UQCC1: variants seen among roughly 807,000 people sequenced by gnomAD.
UQCC1 encodes bFGF-repressed Zic-binding protein.
In UQCC1, 38 loss-of-function variants were observed where a neutral mutation model predicts 48.0. The observed-to-expected ratio is 0.79, with a 90% CI of 0.61 to 1.04. UQCC1 has a LOEUF of 1.04. Among genes scored for constraint, UQCC1 ranks in the 50% least tolerant of loss-of-function variants. UQCC1 has a pLI of 0.00. For synonymous variants in UQCC1, 111 were observed against 129.2 expected, an observed-to-expected ratio of 0.86 and a Z score of 0.95; for missense variants, 368 against 381.8, an observed-to-expected ratio of 0.96 and a Z score of 0.30.
chr20:35,384,082 C>T lies in UQCC1; in HGVS notation c.181G>A (p.Gly61Arg), dbSNP rs1270929900. The change falls in exon 3 of 10, where the codon GGA becomes AGA. Residue 61 changes from glycine (G) to arginine (R), a missense_variant. Coordinates refer to ENST00000374385, the MANE Select transcript of UQCC1 (RefSeq NM_018244.5). The part of the protein sequence containing the change: ...RACGGSEQIP[G>R]IDIQLNRKYH... Reference sequence around the variant, plus strand: ...TTCCTATTCAGCTGTATGTCTATTCCAGGAATCTGTTCTGATCCACCACAT... The same window carrying T: ...TTCCTATTCAGCTGTATGTCTATTCTAGGAATCTGTTCTGATCCACCACAT... The T allele has an allele frequency of 2.5e-6, 4 of 1,613,084 alleles. No homozygotes were observed. Among genetic ancestry groups the T allele is most frequent in the Admixed American group, 1.7e-5 (1 of 59,996 alleles).
chr20:35,310,859 A>ATT lies in UQCC1; in HGVS notation c.651+3827_651+3828dup, dbSNP rs71184065. 8.1e-4 allele frequency among the ~76,000 whole-genome samples: 95 copies of ATT among 116,936 alleles called. 2 individuals carry two copies. Among genetic ancestry groups the ATT allele is most frequent in the South Asian group, 1.7e-3 (6 of 3,476 alleles). The allele number at this position is 116,936 out of a possible 152,430, so 76.7% of individuals were successfully genotyped here. On this transcript the variant is annotated intron_variant, in intron 8 of 9. Coordinates refer to ENST00000374385, the MANE Select transcript of UQCC1 (RefSeq NM_018244.5). The stretch of plus-strand genomic sequence containing the variant: ...AGGCGCCCACCACCATGCCGGGCTA[A>ATT]TTTTTTTTTTTTTTTTTTTCAGTAG...
At chr20:35,309,761 G>A (rs1044102062) in intron 8 of UQCC1, among the ~76,000 whole-genome samples, 4 of 152,154 alleles carry the variant, frequency 2.6e-5, no homozygotes, top group Non-Finnish European at 5.9e-5. Context: ...TCTGATTAAG[G>A]GTTTAAAGTG....
chr20:35,345,970 A>C (rs2061427650), intron 7 of UQCC1: 1 of 152,180 alleles, frequency 6.6e-6, no homozygotes, highest in Admixed American at 6.5e-5. Context: ...TACACAACAT[A>C]AACAAAAGAA....
chr20:35,340,332 C>T (rs1302310450), intron 7 of UQCC1, among the ~76,000 whole-genome samples: 1 of 152,156 alleles, frequency 6.6e-6, no homozygotes, highest in African/African-American at 2.4e-5. Context: ...TAAGCCAATC[C>T]CAAAATGGAA....
At chr20:35,370,098 C>A (rs182676284) in intron 5 of UQCC1, among the ~76,000 whole-genome samples, 90 of 152,330 alleles carry the variant, frequency 5.9e-4, no homozygotes, top group African/African-American at 2.0e-3. Flanking sequence ...CTCAAAATAT[C>A]TAAGAAACAG....
chr20:35,351,313 C>G (rs1402283137), intron 6 of UQCC1, among the ~76,000 whole-genome samples: 2 of 150,520 alleles, frequency 1.3e-5, no homozygotes, highest in African/African-American at 4.9e-5. Flanking sequence ...ATCTCTTGAA[C>G]CCGGGAGGCA....
chr20:35,320,337 C>T (rs924565340), intron 7 of UQCC1, among the ~76,000 whole-genome samples: 3 of 152,200 alleles, frequency 2.0e-5, no homozygotes, highest in Non-Finnish European at 4.4e-5. Flanking sequence ...GAGACAGGAA[C>T]TGTTACTGTC....
At chr20:35,389,296 G>A (rs73616654) in intron 2 of UQCC1, among the ~76,000 whole-genome samples, 9,015 of 152,078 alleles carry the variant, frequency 0.059, 402 homozygotes, top group South Asian at 0.22. Context: ...ATTATAAGCC[G>A]GGTGCTTATA....
At chr20:35,380,110 CTTTTTT>C (rs1048764911) in intron 4 of UQCC1, among the ~76,000 whole-genome samples, 1 of 151,788 alleles carries the variant, frequency 6.6e-6, no homozygotes, top group South Asian at 2.1e-4. Context: ...TGTTTCTTTT[CTTTTTT>C]TTGTTTTGAC....
At chr20:35,404,130 C>A (rs973483788) in intron 1 of UQCC1, among the ~76,000 whole-genome samples, 1 of 152,050 alleles carries the variant, frequency 6.6e-6, no homozygotes, top group African/African-American at 2.4e-5. Context: ...GCTTGTAATC[C>A]CAGCACTTTG....
At chr20:35,342,038 C>G (rs540038762) in intron 7 of UQCC1, among the ~76,000 whole-genome samples, 1 of 152,160 alleles carries the variant, frequency 6.6e-6, no homozygotes, top group Non-Finnish European at 1.5e-5. Context: ...ACACAAGAGT[C>G]AAGTTCAGCC....
At chr20:35,386,093 T>C (rs2061939465) in intron 2 of UQCC1, among the ~76,000 whole-genome samples, 1 of 152,072 alleles carries the variant, frequency 6.6e-6, no homozygotes, top group Non-Finnish European at 1.5e-5. Flanking sequence ...ATAATATGTA[T>C]AAAATTATAG....
chr20:35,316,634 A>G (rs1446005157), intron 7 of UQCC1, among the ~76,000 whole-genome samples: 1 of 152,108 alleles, frequency 6.6e-6, no homozygotes, highest in East Asian at 1.9e-4. Context: ...AGTCAACCTG[A>G]GTCCATTTCC....
In UQCC1 at chr20:35,400,558, G is replaced by C. The variant is rs541002017; in HGVS notation, c.25-6362C>G. On this transcript the variant is annotated intron_variant, in intron 1 of 9. Coordinates refer to ENST00000374385, the MANE Select transcript of UQCC1 (RefSeq NM_018244.5). Reference sequence around the variant, plus strand: ...TTGCCCAGGCTGGAGTGCAGTGGTGGGATCTCAGCTCACTGCAAGCTCCGC... The same window carrying C: ...TTGCCCAGGCTGGAGTGCAGTGGTGCGATCTCAGCTCACTGCAAGCTCCGC... Among the ~76,000 whole-genome samples, 1,095 of 151,168 alleles carry C rather than the reference G, an allele frequency of 7.2e-3. 15 individuals carry two copies. The highest frequency in any genetic ancestry group is 0.024 in the African/African-American group (973 of 41,154).
chr20:35,360,059 AG>A (rs1326251687), intron 6 of UQCC1, among the ~76,000 whole-genome samples: 1 of 152,184 alleles, frequency 6.6e-6, no homozygotes, highest in Non-Finnish European at 1.5e-5. Flanking sequence ...CTTGCCTGTC[AG>A]ATCCACTATA....
chr20:35,353,636 G>A (rs551718989), intron 6 of UQCC1, among the ~76,000 whole-genome samples: 4 of 151,828 alleles, frequency 2.6e-5, no homozygotes, highest in Non-Finnish European at 4.4e-5. Flanking sequence ...ACAAAAAAAC[G>A]TAAAAATTAG....
rs183908321 is a variant in UQCC1 at position 35,302,862 on chromosome 20, C to A, written c.*1073G>T. 13 of 152,322 alleles carry A rather than the reference C, an allele frequency of 8.5e-5. No individual in the cohort carries two copies. The highest frequency in any genetic ancestry group is 3.1e-4 in the African/African-American group (13 of 41,558). 9.4% of individuals were successfully genotyped at this position (152,322 alleles called of 1,614,324 possible). A position where few individuals can be genotyped will look rare whatever the true frequency, so the allele number is the denominator to read the frequency against. Reference sequence around the variant, plus strand: ...CCATATAGAGTTTCTTTATATGACTCATTTTATAGCAAGTTAAATGAAGGA... The same window carrying A: ...CCATATAGAGTTTCTTTATATGACTAATTTTATAGCAAGTTAAATGAAGGA... On this transcript the variant is annotated 3_prime_UTR_variant, in exon 10 of 10. Transcript: ENST00000374385.
chr20:35,303,968 G>T lies in UQCC1; in HGVS notation c.867C>A (p.Pro289=), dbSNP rs1436598105. The change falls in exon 10 of 10, where the codon CCC becomes CCA. Residue 289 remains proline (P), a synonymous_variant. Transcript: ENST00000374385. ...VEKNPQSILK[P]HSPTYNDEGL ...CCTCGTCGTTGTAAGTCGGAGAATG[G>T]GGCTTCAGGATGCTCTGAGGATTCT... is the stretch of plus-strand genomic sequence containing the variant. The T allele has an allele frequency of 1.9e-6, 3 of 1,614,184 alleles. No homozygotes were observed. Among genetic ancestry groups the T allele is most frequent in the South Asian group, 1.1e-5 (1 of 91,076 alleles).
rs1368840914 is a variant in UQCC1 at position 35,302,586 on chromosome 20, A to G, written c.*1349T>C. 2.0e-5 allele frequency: 3 copies of G among 152,348 alleles called. No individual in the cohort carries two copies. The East Asian group carries it at 5.8e-4, about 29-fold the overall frequency. 9.4% of individuals were successfully genotyped at this position (152,348 alleles called of 1,614,324 possible). A position where few individuals can be genotyped will look rare whatever the true frequency, so the allele number is the denominator to read the frequency against. ...ATCCATTCCAGGAGCAGTTAGGTAC[A>G]CACAGTAAAGTTTATTTTGGTGCAT... On this transcript the variant is annotated 3_prime_UTR_variant, in exon 10 of 10. Coordinates refer to ENST00000374385, the MANE Select transcript of UQCC1 (RefSeq NM_018244.5).
Sources: gnomAD v4.1 joint callset for allele counts (sites outside exome capture counted in the v4.1 genomes callset) on GRCh38, gnomAD v4.1.1 for gene constraint, MANE v1.5 for transcripts, NCBI Gene and HGNC (gene_info 2026-07-23, HGNC 2026-07-21) for gene names.